Variants in ART3 observed in about 807,000 individuals in gnomAD.
ART3 encodes ADP-ribosyltransferase 3 (inactive).
Under a neutral mutation model 48.5 loss-of-function variants are expected in ART3, and 49 were observed. That is an observed-to-expected ratio of 1.01 (90% CI 0.80 to 1.28). The LOEUF (loss-of-function observed/expected upper bound fraction) is 1.28, where lower values mean the gene tolerates loss of function less well. Ranked by LOEUF, ART3 falls within the 50% of genes most tolerant of loss-of-function variation. The probability of loss-of-function intolerance (pLI) is 0.00; values close to 1 mark genes in which losing one functional copy is unlikely to be tolerated. For synonymous variants in ART3, 145 were observed against 157.2 expected (o/e 0.92, Z 0.58); for missense variants, 438 against 454.3 (o/e 0.96, Z 0.33).
chr4:76,042,752 G>A (rs1735091890), intron 1 of ART3, among the ~76,000 whole-genome samples: 1 of 152,148 alleles, frequency 6.6e-6, no homozygotes. Context: ...CATAAAAGCA[G>A]TGTGGACCCA....
rs1268576734 is a variant in ART3, at chr4:76,112,444, A to C, written c.1095A>C (p.Lys365Asn). ...GCCATCCTTCTGCATCCTCGGGCAA[A>C]CTGCTGCTTCCACAGTTTGGGATGG... ...PKSHPSASSG[K>N]LLLPQFGMVI... The change falls in exon 12 of 12, where the codon AAA becomes AAC. Residue 365 changes from lysine (K) to asparagine (N), a missense_variant. Physicochemically the swap from Lys to Asn is moderately conservative, Grantham distance 94. Around this residue, in one of 3 missense-constraint regions of ART3, gnomAD observed 227 missense variants for 229.6 expected, o/e 0.99. Transcript: ENST00000355810. The C allele has an allele frequency of 6.2e-7, 1 of 1,613,914 alleles. No homozygotes were observed. Among genetic ancestry groups the C allele is most frequent in the African/African-American group, 1.3e-5 (1 of 74,882 alleles).
At chr4:76,044,974 G>T (rs200706518) in intron 1 of ART3, among the ~76,000 whole-genome samples, 2 of 152,052 alleles carry the variant, frequency 1.3e-5, no homozygotes, top group East Asian at 1.9e-4. Flanking sequence ...GGGCATGTAG[G>T]ATTAGATAAG....
chr4:76,105,610 A>G (rs1728301968), intron 10 of ART3: 2 of 1,275,074 alleles, frequency 1.6e-6, no homozygotes, highest in African/African-American at 3.1e-5. Context: ...CCTTTACCAT[A>G]ATCATTCAGT....
At chr4:76,092,737 T>G (rs1725184870) in intron 3 of ART3, among the ~76,000 whole-genome samples, 1 of 152,208 alleles carries the variant, frequency 6.6e-6, no homozygotes. Context: ...CACCCCTCTC[T>G]TCTTCCTTTA....
At chr4:76,021,878 T>A in intron 1 of ART3, 1 of 1,557,802 alleles carries the variant, frequency 6.4e-7, no homozygotes, top group Non-Finnish European at 8.9e-7. Flanking sequence ...AGAGGCAGCC[T>A]CTGTGTGGTC....
Position 76,049,093 on chromosome 4 carries a change from C to A in ART3, c.-9-26788C>A, listed in dbSNP as rs1430608470. Among the ~76,000 whole-genome samples the A allele has an allele frequency of 6.6e-5, 10 of 151,910 alleles. 1 individual carries two copies. The highest frequency in any genetic ancestry group is 1.9e-4 in the East Asian group (1 of 5,178). On this transcript the variant is annotated intron_variant, in intron 1 of 9. Transcript: ENST00000341029. ...TAGTCTCAGGAGGGATCCTAAAATT[C>A]CAGGTAGTCCCCACTATGACGGGGC...
At chr4:76,090,204 T>G (rs17001369) in intron 3 of ART3, among the ~76,000 whole-genome samples, 2,598 of 152,348 alleles carry the variant, frequency 0.017, 85 homozygotes, top group African/African-American at 0.059. Flanking sequence ...TAGGTTTTAG[T>G]AGCCAGGTTT....
At chr4:76,020,098 T>C (rs1045798597) in intron 1 of ART3, among the ~76,000 whole-genome samples, 4 of 151,994 alleles carry the variant, frequency 2.6e-5, no homozygotes, top group Admixed American at 2.6e-4. Context: ...GTGAAATTCT[T>C]ACTCACTTCT....
intron 2 of ART3, among the ~76,000 whole-genome samples, chr4:76,079,356 G>A (rs1721922794): frequency 6.6e-6 from 1 of 152,164 alleles, no homozygotes; most frequent in Admixed American, 6.5e-5. Flanking sequence ...ATGAAAAATG[G>A]TTTTAAATAA....
intron 1 of ART3, among the ~76,000 whole-genome samples, chr4:76,038,655 G>A (rs975631739): frequency 1.3e-5 from 2 of 152,072 alleles, no homozygotes; most frequent in African/African-American, 2.4e-5. Context: ...GTTGTTAATA[G>A]GGAAGGCTCT....
chr4:76,018,129 A>G (rs528001601), intron 1 of ART3, among the ~76,000 whole-genome samples: 15 of 152,368 alleles, frequency 9.8e-5, no homozygotes, highest in Non-Finnish European at 1.6e-4. Flanking sequence ...TCATTCTACC[A>G]TAAAGACACG....
At chr4:76,088,713 T>C (rs987822924) in intron 3 of ART3, among the ~76,000 whole-genome samples, 3 of 152,160 alleles carry the variant, frequency 2.0e-5, no homozygotes, top group Non-Finnish European at 2.9e-5. Context: ...TAATAGGAAG[T>C]GACATATCCA....
chr4:76,016,718 G>A (rs925378271), intron 1 of ART3, among the ~76,000 whole-genome samples: 1 of 152,198 alleles, frequency 6.6e-6, no homozygotes, highest in Non-Finnish European at 1.5e-5. Context: ...GCCAGGGACT[G>A]GAGTCAAAAA....
intron 1 of ART3, among the ~76,000 whole-genome samples, chr4:76,065,595 C>T (rs1719657814): frequency 7.9e-6 from 1 of 126,634 alleles, no homozygotes; most frequent in Non-Finnish European, 1.7e-5. Flanking sequence ...AAATCATTAC[C>T]ATAGAGACTC....
intron 1 of ART3, chr4:76,022,758 T>C (rs1307840080): frequency 1.9e-6 from 3 of 1,613,438 alleles, no homozygotes; most frequent in Non-Finnish European, 2.5e-6. Context: ...GACCTTGGAT[T>C]AACAGGTTGA....
intron 1 of ART3, among the ~76,000 whole-genome samples, chr4:76,064,857 G>A (rs111979854): frequency 0.051 from 7,671 of 150,640 alleles, 245 homozygotes; most frequent in South Asian, 0.14. Flanking sequence ...TTTGAGACAG[G>A]GTCTCACTCT....
intron 2 of ART3, 105 bp downstream of exon 2, chr4:76,076,063 G>GA: frequency 2.0e-6 from 2 of 1,018,228 alleles, no homozygotes; most frequent in Non-Finnish European, 2.9e-6. Context: ...GGAGTGCAGT[G>GA]GCTCGATTTC....
intron 1 of ART3, among the ~76,000 whole-genome samples, chr4:76,044,540 G>T (rs1242220494): frequency 6.6e-6 from 1 of 152,030 alleles, no homozygotes; most frequent in Admixed American, 6.6e-5. Context: ...GCTTTTAAAG[G>T]AAAAGGGTAC....
At chr4:76,035,880 C>G (rs1734343345) in intron 1 of ART3, 5 of 1,517,468 alleles carry the variant, frequency 3.3e-6, no homozygotes, top group Non-Finnish European at 4.5e-6. Flanking sequence ...ACATTTGAAA[C>G]ATTAGAAAAG....
Sources: gnomAD v4.1 joint callset for allele counts (sites outside exome capture counted in the v4.1 genomes callset) on GRCh38, gnomAD v4.1.1 for gene constraint, gnomAD v4.1.1 regional missense constraint, MANE v1.5 for transcripts, NCBI Gene and HGNC (gene_info 2026-07-23, HGNC 2026-07-21) for gene names.